The following TRAF3IP2 variants were observed in gnomAD, a reference collection of about 807,000 sequenced individuals.
The protein encoded by TRAF3IP2 is E3 ubiquitin ligase TRAF3IP2.
TRAF3IP2 carries 35 observed loss-of-function variants against 57.9 expected under a neutral mutation model. That is an observed-to-expected ratio of 0.60 (90% CI 0.46 to 0.80). TRAF3IP2 has a LOEUF of 0.80. TRAF3IP2 is among the 30% of genes least tolerant of loss of function. The pLI is 0.00. For missense variants in TRAF3IP2, 556 were observed against 706.4 expected, an observed-to-expected ratio of 0.79 and a Z score of 2.41; for synonymous variants, 251 against 268.9, an observed-to-expected ratio of 0.93 and a Z score of 0.65.
At chr6:111,571,308 C>T (rs892139296) in intron 5 of TRAF3IP2, among the ~76,000 whole-genome samples, 2 of 152,048 alleles carry the variant, frequency 1.3e-5, no homozygotes, top group African/African-American at 4.8e-5. Context: ...GAACTCCTGA[C>T]CTCAGGTGAT....
chr6:111,557,197 A>AGAT lies in TRAF3IP2; in HGVS notation c.*2205_*2207dup, dbSNP rs1049742355. The stretch of plus-strand genomic sequence containing the variant: ...AGTGAGCCTTGTTTAAGAGGCTAGT[A>AGAT]GATAAAGAAGGGAAGCAGTAGCTTG... On this transcript the variant is annotated 3_prime_UTR_variant, in exon 9 of 9. Coordinates refer to ENST00000368761, the MANE Select transcript of TRAF3IP2 (RefSeq NM_147686.4). 6.6e-6 allele frequency: 1 copy of AGAT among 152,090 alleles called. No individual in the cohort carries two copies. Among genetic ancestry groups the AGAT allele is most frequent in the African/African-American group, 2.4e-5 (1 of 41,428 alleles). The allele number at this position is 152,090 out of a possible 1,614,324, so 9.4% of individuals were successfully genotyped here. A position where few individuals can be genotyped will look rare whatever the true frequency, so the allele number is the denominator to read the frequency against.
At chr6:111,572,257 T>C (rs1795854414) in intron 5 of TRAF3IP2, among the ~76,000 whole-genome samples, 1 of 152,070 alleles carries the variant, frequency 6.6e-6, no homozygotes, top group African/African-American at 2.4e-5. Flanking sequence ...ACAGGGGCAG[T>C]GTGTGTTTCC....
chr6:111,582,299 C>T (rs1321830395), intron 2 of TRAF3IP2, among the ~76,000 whole-genome samples: 3 of 152,212 alleles, frequency 2.0e-5, no homozygotes, highest in African/African-American at 7.2e-5. Context: ...CATGCCCCTC[C>T]ATCCCAGACT....
rs948893076 is a variant in TRAF3IP2, at chr6:111,569,276, G to T, written c.1291-1584C>A. On this transcript the variant is annotated intron_variant, in intron 5 of 8. Coordinates refer to ENST00000368761, the MANE Select transcript of TRAF3IP2 (RefSeq NM_147686.4). Reference sequence around the variant, plus strand: ...AGAAGAAACGGACAGCTTGGGTTCTGTCTTGGCTTTGCCACTTCCCACCTG... The same window carrying T: ...AGAAGAAACGGACAGCTTGGGTTCTTTCTTGGCTTTGCCACTTCCCACCTG... Among the ~76,000 whole-genome samples the T allele has an allele frequency of 2.6e-5, 4 of 152,306 alleles. No homozygotes were observed. The South Asian group carries it at 8.3e-4, about 32-fold the overall frequency.
At chr6:111,585,312 C>T (rs377311036) in intron 2 of TRAF3IP2, among the ~76,000 whole-genome samples, 3 of 143,096 alleles carry the variant, frequency 2.1e-5, no homozygotes, top group South Asian at 2.3e-4. Flanking sequence ...CATTGACTCC[C>T]TTCTTTGCTT....
At chr6:111,567,728 G>A (rs752314322) in intron 5 of TRAF3IP2, 36 bp from the exon 6 acceptor site, 22 of 1,555,474 alleles carry the variant, frequency 1.4e-5, no homozygotes, top group Non-Finnish European at 1.9e-5. Context: ...GGCCCTTAAT[G>A]AGAGGTTCTC....
At chr6:111,587,788 A>G (rs1796386219) in intron 2 of TRAF3IP2, among the ~76,000 whole-genome samples, 1 of 152,224 alleles carries the variant, frequency 6.6e-6, no homozygotes, top group Non-Finnish European at 1.5e-5. Flanking sequence ...TCAGTGCAAC[A>G]TGGGCCTAGT....
At position 111,591,575 on chromosome 6, in the gene TRAF3IP2, A is replaced by C; in HGVS notation, c.512T>G (p.Leu171Trp). 3 of 1,614,210 alleles carry C rather than the reference A, an allele frequency of 1.9e-6. No homozygotes were observed. Among genetic ancestry groups the C allele is most frequent in the Non-Finnish European group, 2.5e-6 (3 of 1,180,036 alleles). The change falls in exon 2 of 9, where the codon TTG becomes TGG. Residue 171 changes from leucine to tryptophan, a missense_variant. Coordinates refer to ENST00000368761, the MANE Select transcript of TRAF3IP2 (RefSeq NM_147686.4). This position sits in a 1 kb window ranked among gnomAD's most constrained non-coding sequence, Gnocchi z 4.9. ...QSLPNASADS[L>W]GGSQEMVQRP... ...TTGCACCATCTCCTGGCTACCGCCC[A>C]AGGAGTCTGCTGAGGCATTAGGTAA...
At chr6:111,599,390 C>T (rs1029328971) in intron 1 of TRAF3IP2, among the ~76,000 whole-genome samples, 16 of 152,138 alleles carry the variant, frequency 1.1e-4, no homozygotes, top group Non-Finnish European at 1.2e-4. Flanking sequence ...CTACTCTGCC[C>T]CGAGCTGCCT....
At chr6:111,603,263 C>T (rs554375676) in intron 1 of TRAF3IP2, among the ~76,000 whole-genome samples, 202 of 152,244 alleles carry the variant, frequency 1.3e-3, no homozygotes, top group African/African-American at 4.2e-3. Context: ...TTGGTGACAA[C>T]GCATTGGGAA....
Position 111,591,585 on chromosome 6 carries a change from C to T in TRAF3IP2, c.502G>A (p.Ala168Thr). ...TCCTGGCTACCGCCCAAGGAGTCTG[C>T]TGAGGCATTAGGTAAACTTTGGTCT... ...KSDQSLPNAS[A>T]DSLGGSQEMV... Residue 168 changes from alanine to threonine, a missense_variant, in exon 2 of 9, where the codon GCA becomes ACA. Physicochemically the swap from Ala to Thr is moderately conservative, Grantham distance 58. Around this residue, in one of 2 missense-constraint regions of TRAF3IP2, gnomAD observed 428 missense variants for 498.7 expected, o/e 0.86. Transcript: ENST00000368761. This position sits in a 1 kb window ranked among gnomAD's most constrained non-coding sequence, Gnocchi z 4.9. 6.2e-7 allele frequency: 1 copy of T among 1,614,236 alleles called. No individual in the cohort carries two copies. The highest frequency in any genetic ancestry group is 8.5e-7 in the Non-Finnish European group (1 of 1,180,050).
At chr6:111,577,026 C>T (rs1265378250) in intron 3 of TRAF3IP2, 2 of 151,576 alleles carry the variant, frequency 1.3e-5, no homozygotes, top group Non-Finnish European at 2.9e-5. Context: ...CTCAACTGTA[C>T]TATATTTTGA....
intron 8 of TRAF3IP2, among the ~76,000 whole-genome samples, chr6:111,562,542 A>C (rs1328261519): frequency 6.6e-6 from 1 of 152,162 alleles, no homozygotes; most frequent in East Asian, 1.9e-4. Flanking sequence ...TGTTATCTCT[A>C]AGGATTGATA....
intron 6 of TRAF3IP2, chr6:111,567,419 T>C: frequency 7.6e-7 from 1 of 1,308,136 alleles, no homozygotes; most frequent in South Asian, 2.4e-5. Context: ...GGTTTGACCG[T>C]TATTTCCTGC....
intron 5 of TRAF3IP2, among the ~76,000 whole-genome samples, chr6:111,570,035 G>A (rs550238917): frequency 1.3e-5 from 2 of 152,254 alleles, no homozygotes; most frequent in South Asian, 4.1e-4. Flanking sequence ...GACCTTTAAA[G>A]AAGTAATTAG....
intron 5 of TRAF3IP2, among the ~76,000 whole-genome samples, chr6:111,572,555 A>T (rs1795862043): frequency 6.6e-6 from 1 of 152,238 alleles, no homozygotes; most frequent in Admixed American, 6.5e-5. Flanking sequence ...CAAAGTGGGC[A>T]TGATTGGTGA....
chr6:111,574,680 C>T (rs1795927325), intron 4 of TRAF3IP2: 1 of 152,136 alleles, frequency 6.6e-6, no homozygotes, highest in Non-Finnish European at 1.5e-5. Context: ...GGTCCCTGCC[C>T]AATACCACAT....
At chr6:111,603,255 G>A (rs1009876214) in intron 1 of TRAF3IP2, among the ~76,000 whole-genome samples, 1 of 152,156 alleles carries the variant, frequency 6.6e-6, no homozygotes, top group Non-Finnish European at 1.5e-5. Flanking sequence ...AAAATATCTT[G>A]GTGACAACGC....
chr6:111,596,477 G>C (rs146150516), intron 1 of TRAF3IP2, among the ~76,000 whole-genome samples: 1 of 151,936 alleles, frequency 6.6e-6, no homozygotes, highest in Non-Finnish European at 1.5e-5. Flanking sequence ...TTTCTGAGAC[G>C]GAGTCTTGCT....
Sources: gnomAD v4.1 joint callset for allele counts (sites outside exome capture counted in the v4.1 genomes callset) on GRCh38, gnomAD v4.1.1 for gene constraint, gnomAD v4.1.1 regional missense constraint, Gnocchi (gnomAD v3.1) non-coding constraint, MANE v1.5 for transcripts, NCBI Gene and HGNC (gene_info 2026-07-23, HGNC 2026-07-21) for gene names.